The following TNRC18 variants were observed in gnomAD, a reference collection of about 807,000 sequenced individuals.
TNRC18 encodes the protein trinucleotide repeat-containing gene 18 protein.
Under a neutral mutation model 226.7 loss-of-function variants are expected in TNRC18, and 69 were observed. The ratio of observed to expected loss-of-function variants is 0.30; its 90% CI spans 0.25 to 0.37. The LOEUF is 0.37. Among genes scored for constraint, TNRC18 ranks in the 10% least tolerant of loss-of-function variants. TNRC18 has a pLI of 1.00. For synonymous variants in TNRC18, 2,449 were observed against 1,927.6 expected (o/e 1.27, Z -7.09); for missense variants, 4,754 against 4,256.6 (o/e 1.12, Z -3.25).
intron 2 of TNRC18, among the ~76,000 whole-genome samples, chr7:5,407,812 C>T (rs977589469): frequency 2.6e-5 from 4 of 152,160 alleles, no homozygotes; most frequent in Admixed American, 1.3e-4. Context: ...TTCCCCCCTA[C>T]CGAGACTCCA....
In TNRC18 at chr7:5,387,738, C is replaced by T. The variant is rs556357679; in HGVS notation, c.2086G>A (p.Gly696Ser). The T allele has an allele frequency of 2.5e-6, 4 of 1,607,026 alleles. No individual in the cohort carries two copies. The highest frequency in any genetic ancestry group is 2.5e-6 in the Non-Finnish European group (3 of 1,179,820). Residue 696 changes from glycine to serine, a missense_variant, in exon 5 of 30, where the codon GGC becomes AGC. Coordinates refer to ENST00000430969, the MANE Select transcript of TNRC18 (RefSeq NM_001080495.3). ...VAVARQKDSG[G>S]SGRLGPGLVD... ...AGCCCAGGCCCCAGCCGGCCACTGC[C>T]GCCACTGTCCTTCTGCCGGGCCACA... is the stretch of plus-strand genomic sequence containing the variant.
intron 17 of TNRC18, among the ~76,000 whole-genome samples, chr7:5,348,313 G>C (rs1425126467): frequency 6.6e-6 from 1 of 152,200 alleles, no homozygotes; most frequent in African/African-American, 2.4e-5. Context: ...AGAGTGCTGG[G>C]AGCGGGAAAG....
intron 2 of TNRC18, among the ~76,000 whole-genome samples, chr7:5,405,634 G>T (rs142965564): frequency 0.03 from 4,498 of 152,006 alleles, 129 homozygotes; most frequent in Admixed American, 0.097. Context: ...TCCCAGCTAC[G>T]CGGGAGGTTG....
At chr7:5,376,424 A>AAC (rs1233605279) in intron 8 of TNRC18, among the ~76,000 whole-genome samples, 200 bp from the exon 9 acceptor site, 3 of 152,030 alleles carry the variant, frequency 2.0e-5, no homozygotes, top group Admixed American at 6.5e-5. Flanking sequence ...AGGCCCGGGG[A>AAC]ACACAGCCCT....
intron 9 of TNRC18, among the ~76,000 whole-genome samples, 170 bp downstream of exon 9, chr7:5,375,864 T>C (rs561525187): frequency 5.9e-4 from 90 of 152,320 alleles, no homozygotes; most frequent in African/African-American, 2.2e-3. Flanking sequence ...TACAGATGGC[T>C]CCAGGTCTCG....
At chr7:5,364,035 C>T (rs1245380494) in intron 11 of TNRC18, among the ~76,000 whole-genome samples, 8 of 152,174 alleles carry the variant, frequency 5.3e-5, no homozygotes, top group African/African-American at 1.9e-4. Flanking sequence ...CAGTGGCTCA[C>T]GCCTGTAATC....
Position 5,361,647 on chromosome 7 carries a change from CG to C in TNRC18, c.4607del (p.Pro1536ArgfsTer20). ...PGRPRKRTHA[P>X]SALSPPRKRG... ...TCTTGCGGGGGGGCGACAGGGCGCT[CG>C]GGGCGTGGGTCCGTTTCCGCGGCCT... On this transcript the variant is annotated frameshift_variant, in exon 14 of 30. Coordinates refer to ENST00000430969, the MANE Select transcript of TNRC18 (RefSeq NM_001080495.3). LOFTEE classifies it high-confidence loss of function. The C allele has an allele frequency of 6.4e-7, 1 of 1,555,674 alleles. No homozygotes were observed.
intron 10 of TNRC18, 71 bp from the exon 11 acceptor site, chr7:5,371,435 C>T: frequency 7.0e-7 from 1 of 1,432,342 alleles, no homozygotes; most frequent in East Asian, 2.5e-5. Flanking sequence ...GACACCCGCC[C>T]ACCACCCCAG....
Position 5,307,840 on chromosome 7 carries a change from C to G in TNRC18, c.*266G>C, listed in dbSNP as rs1786705599. 6 of 524,152 alleles carry G rather than the reference C, an allele frequency of 1.1e-5. No individual in the cohort carries two copies. The highest frequency in any genetic ancestry group is 1.1e-4 in the South Asian group (5 of 47,408). 32.5% of individuals were successfully genotyped at this position (524,152 alleles called of 1,614,324 possible). A position where few individuals can be genotyped will look rare whatever the true frequency, so the allele number is the denominator to read the frequency against. On this transcript the variant is annotated 3_prime_UTR_variant, in exon 30 of 30. Coordinates refer to ENST00000430969, the MANE Select transcript of TNRC18 (RefSeq NM_001080495.3). ...AACGTGCTGGGCAGGAAGGGCCGGT[C>G]CGGCCATACCCTGATAGCTAAGAGG...
chr7:5,360,996 T>G (rs910468070), intron 14 of TNRC18, among the ~76,000 whole-genome samples: 2 of 152,110 alleles, frequency 1.3e-5, no homozygotes, highest in Non-Finnish European at 2.9e-5. Context: ...CCCTTTCCGA[T>G]CGTGCTACAG....
Position 5,308,946 on chromosome 7 carries a change from A to C in TNRC18, c.8629T>G (p.Trp2877Gly). The C allele has an allele frequency of 6.4e-7, 1 of 1,556,536 alleles. No individual in the cohort carries two copies. Reference sequence around the variant, plus strand: ...AGGCTGCGGCTGGACTTCTGGTCCCAGTGCTGTGTGGGGGAGAGAGGAGGG... The same window carrying C: ...AGGCTGCGGCTGGACTTCTGGTCCCCGTGCTGTGTGGGGGAGAGAGGAGGG... Reference protein sequence around the residue: ...PGKQFHQGQHWDQKSSRSLPA... With the variant: ...PGKQFHQGQHGDQKSSRSLPA... The change falls in exon 29 of 30, where the codon TGG (tryptophan) becomes GGG (glycine). Residue 2877 changes from tryptophan to glycine, a missense_variant. Coordinates refer to ENST00000430969, the MANE Select transcript of TNRC18 (RefSeq NM_001080495.3).
chr7:5,336,211 A>C (rs1345750237), intron 18 of TNRC18, among the ~76,000 whole-genome samples: 1 of 151,906 alleles, frequency 6.6e-6, no homozygotes, highest in Non-Finnish European at 1.5e-5. Flanking sequence ...TGTTTTAAAA[A>C]AAAAAAAAAA....
chr7:5,407,504 G>A (rs947595357), intron 2 of TNRC18: 1 of 152,148 alleles, frequency 6.6e-6, no homozygotes, highest in Non-Finnish European at 1.5e-5. Flanking sequence ...GATCCATCAA[G>A]CTGGGCTCCC....
chr7:5,376,852 T>C lies in TNRC18; in HGVS notation c.2603A>G (p.His868Arg). The change falls in exon 8 of 30, where the codon CAC becomes CGC. Residue 868 changes from histidine (H) to arginine (R), a missense_variant. Transcript: ENST00000430969. Reference protein sequence around the residue: ...LVVIPSDHLPHFAELMERATV... With the variant: ...LVVIPSDHLPRFAELMERATV... ...CACATAGAAGGTCCACTTACCAAAG[T>C]GAGGAAGGTGATCACTGGGAATGAC... 1.9e-6 allele frequency: 3 copies of C among 1,610,708 alleles called. No homozygotes were observed. The highest frequency in any genetic ancestry group is 1.1e-5 in the South Asian group (1 of 90,388).
chr7:5,388,092 C>T lies in TNRC18; in HGVS notation c.1732G>A (p.Gly578Arg), dbSNP rs778278142. The T allele has an allele frequency of 1.4e-5, 21 of 1,553,206 alleles. No homozygotes were observed. The South Asian group carries it at 2.5e-4, about 18-fold the overall frequency. ...TGCATGGCCGAGGCCTCTCCAGACCCGTGGGCCGCAGAGTGCATGTCAGCG... is the reference window on the plus strand; with the variant it reads ...TGCATGGCCGAGGCCTCTCCAGACCTGTGGGCCGCAGAGTGCATGTCAGCG... Reference protein sequence around the residue: ...PVADMHSAAHGSGEASAMQSL... With the variant: ...PVADMHSAAHRSGEASAMQSL... Residue 578 changes from glycine to arginine, a missense_variant, in exon 5 of 30, where the codon GGG becomes AGG. Coordinates refer to ENST00000430969, the MANE Select transcript of TNRC18 (RefSeq NM_001080495.3).
intron 5 of TNRC18, among the ~76,000 whole-genome samples, chr7:5,380,632 A>T (rs1050805424): frequency 5.3e-5 from 8 of 152,216 alleles, no homozygotes; most frequent in African/African-American, 1.9e-4. Flanking sequence ...TGGACCTCCA[A>T]CATCAACGTA....
chr7:5,365,188 C>T (rs2128165831), intron 11 of TNRC18, among the ~76,000 whole-genome samples: 1 of 152,300 alleles, frequency 6.6e-6, no homozygotes, highest in Middle Eastern at 3.4e-3. Flanking sequence ...CACACGTCAC[C>T]ACAGCCTCAA....
At chr7:5,400,594 A>G (rs1159934689) in intron 2 of TNRC18, among the ~76,000 whole-genome samples, 1 of 152,128 alleles carries the variant, frequency 6.6e-6, no homozygotes, top group African/African-American at 2.4e-5. Context: ...CCTGGGCGAC[A>G]GAGTGAGACT....
chr7:5,404,871 T>G (rs1333785418), intron 2 of TNRC18, among the ~76,000 whole-genome samples: 1 of 151,782 alleles, frequency 6.6e-6, no homozygotes, highest in Non-Finnish European at 1.5e-5. Flanking sequence ...CCTAGCACTT[T>G]GGGAGGCCGA....
Sources: allele counts gnomAD v4.1 joint callset (sites outside exome capture counted in the v4.1 genomes callset), GRCh38; gene constraint gnomAD v4.1.1; transcripts MANE v1.5; gene names NCBI Gene and HGNC (gene_info 2026-07-23, HGNC 2026-07-21).